The following TPO variants were observed in gnomAD, a reference collection of about 807,000 sequenced individuals.
TPO encodes the protein thyroid peroxidase.
In TPO, 78 loss-of-function variants were observed where a neutral mutation model predicts 96.9. That is an observed-to-expected ratio of 0.81 (90% CI 0.67 to 0.97). TPO has a LOEUF of 0.97. Ranked by LOEUF, TPO falls within the 50% of genes least tolerant of loss-of-function variation. The pLI, the probability that TPO is intolerant of heterozygous loss-of-function variation, is 0.00. For missense variants in TPO, 1,252 were observed against 1,274.8 expected (o/e 0.98, Z 0.27); for synonymous variants, 547 against 538.0 (o/e 1.02, Z -0.23).
chr2:1,413,262 A>G (rs1020666945), upstream of TPO, among the ~76,000 whole-genome samples: 4 of 152,172 alleles, frequency 2.6e-5, no homozygotes, highest in African/African-American at 9.7e-5. Flanking sequence ...TCATTCGGCC[A>G]GAGGCTGGAC....
intron 1 of TPO, among the ~76,000 whole-genome samples, chr2:1,382,167 C>G (rs1383377804): frequency 1.3e-5 from 2 of 152,282 alleles, no homozygotes; most frequent in East Asian, 3.9e-4. Context: ...CACGTAGAAC[C>G]CGGGAGCGTT....
At chr2:1,526,602 T>C (rs1676559674) in intron 15 of TPO, among the ~76,000 whole-genome samples, 2 of 129,388 alleles carry the variant, frequency 1.5e-5, no homozygotes, top group African/African-American at 3.0e-5. Context: ...CCTCCACAAA[T>C]CCCCCCAACT....
At chr2:1,537,652 A>ATGTGTGCAACCTCCCCAGATCCCCCCCAC (rs1680126194) in intron 15 of TPO, among the ~76,000 whole-genome samples, 1 of 38,880 alleles carries the variant, frequency 2.6e-5, no homozygotes, top group African/African-American at 1.1e-4. Context: ...ATCCCCCCCA[A>ATGTGTGCAACCTCCCCAGATCCCCCCCAC]TGTGTGCAAC....
chr2:1,457,460 C>CAT (rs772328451), intron 7 of TPO, among the ~76,000 whole-genome samples: 1,577 of 13,852 alleles, frequency 0.11, 461 homozygotes, highest in Admixed American at 0.21. Flanking sequence ...TGTGGGTACA[C>CAT]ATATATAGCA....
Position 1,477,113 on chromosome 2 carries a change from G to A in TPO, c.847G>A (p.Gly283Ser), listed in dbSNP as rs1670024986. The change falls in exon 8 of 17, where the codon GGC (glycine) becomes AGC (serine). Residue 283 changes from glycine to serine, a missense_variant. Gly to Ser is a moderately conservative substitution (Grantham distance 56). Coordinates refer to ENST00000329066, the MANE Select transcript of TPO (RefSeq NM_001206744.2). ...QLPEEARPAA[G>S]TACLPFYRSS... ...CCCGGAGGAGGCCCGGCCGGCCGCG[G>A]GCACCGCCTGTCTGCCCTTCTACCG... 1 of 1,607,498 alleles carries A rather than the reference G, an allele frequency of 6.2e-7. No individual in the cohort carries two copies. Among genetic ancestry groups the A allele is most frequent in the Non-Finnish European group, 8.5e-7 (1 of 1,178,458 alleles).
chr2:1,463,962 A>AGTG (rs1481310677), intron 7 of TPO, among the ~76,000 whole-genome samples: 1 of 152,166 alleles, frequency 6.6e-6, no homozygotes, highest in Non-Finnish European at 1.5e-5. Context: ...TAAGTTCTTT[A>AGTG]GTGGTGATTT....
chr2:1,453,878 G>A, intron 6 of TPO, 55 bp downstream of exon 6: 1 of 1,612,452 alleles, frequency 6.2e-7, no homozygotes, highest in Non-Finnish European at 8.5e-7. Flanking sequence ...GTGATGCTGA[G>A]GGAGGGAAAT....
intron 7 of TPO, among the ~76,000 whole-genome samples, chr2:1,474,269 C>T (rs192476610): frequency 2.0e-5 from 3 of 152,294 alleles, no homozygotes; most frequent in Admixed American, 1.3e-4. Flanking sequence ...TTTGCTGACA[C>T]CCTGGAAAAT....
chr2:1,496,695 T>C lies in TPO; in HGVS notation c.2316T>C (p.Tyr772=), dbSNP rs2124947590. Residue 772 remains tyrosine, a synonymous_variant, in exon 13 of 17, where the codon TAT becomes TAC. Coordinates refer to ENST00000329066, the MANE Select transcript of TPO (RefSeq NM_001206744.2). ...RVLVYSCRHG[Y]ELQGREQLTC... ...TGGTGTATTCCTGCCGGCACGGGTA[T>C]GAGCTCCAAGGCCGGGAGCAGCTCA... 2 of 1,614,096 alleles carry C rather than the reference T, an allele frequency of 1.2e-6. No homozygotes were observed. Among genetic ancestry groups the C allele is most frequent in the East Asian group, 4.5e-5 (2 of 44,858 alleles).
chr2:1,524,221 C>T (rs1441440112), intron 15 of TPO, among the ~76,000 whole-genome samples: 1 of 142,756 alleles, frequency 7.0e-6, no homozygotes, highest in African/African-American at 2.6e-5. Flanking sequence ...ATCCACCCCA[C>T]TGTGTGCAAC....
intron 10 of TPO, 119 bp downstream of exon 10, chr2:1,488,110 A>G: frequency 7.0e-7 from 1 of 1,432,268 alleles, no homozygotes; most frequent in African/African-American, 1.4e-5. Context: ...AGGCCTTCTA[A>G]GCAACGGCTC....
At chr2:1,399,426 G>C (rs963272463) in intron 1 of TPO, among the ~76,000 whole-genome samples, 1 of 152,134 alleles carries the variant, frequency 6.6e-6, no homozygotes, top group Non-Finnish European at 1.5e-5. Context: ...TGTATGCTGT[G>C]TTTTCCTACA....
chr2:1,387,755 G>T (rs576866466), intron 1 of TPO, among the ~76,000 whole-genome samples: 1 of 152,212 alleles, frequency 6.6e-6, no homozygotes, highest in African/African-American at 2.4e-5. Flanking sequence ...TGCTGGTGAG[G>T]AGCTGCGTTC....
intron 13 of TPO, among the ~76,000 whole-genome samples, chr2:1,497,760 C>T (rs1464545317): frequency 2.0e-5 from 3 of 152,084 alleles, no homozygotes; most frequent in East Asian, 1.9e-4. Flanking sequence ...CTGTGAGCTA[C>T]GTGCTATGAG....
At chr2:1,458,802 T>C (rs1449284155) in intron 7 of TPO, among the ~76,000 whole-genome samples, 2 of 152,230 alleles carry the variant, frequency 1.3e-5, no homozygotes, top group Middle Eastern at 3.2e-3. Context: ...TGTAATTGTT[T>C]ACAACTTAGT....
chr2:1,540,610 A>G lies in TPO; in HGVS notation c.2635A>G (p.Lys879Glu). ...CTCCCACAGGACACGCACTGGCACT[A>G]AATCCACACTGCCCATCTCGGAGAC... Reference protein sequence around the residue: ...VICRWTRTGTKSTLPISETGG... With the variant: ...VICRWTRTGTESTLPISETGG... Residue 879 changes from lysine to glutamate, a missense_variant, in exon 16 of 17, where the codon AAA (lysine) becomes GAA (glutamate). Coordinates refer to ENST00000329066, the MANE Select transcript of TPO (RefSeq NM_001206744.2). The G allele has an allele frequency of 6.2e-7, 1 of 1,613,566 alleles. No homozygotes were observed.
chr2:1,403,993 C>A (rs1425607480), intron 1 of TPO, among the ~76,000 whole-genome samples: 1 of 152,222 alleles, frequency 6.6e-6, no homozygotes, highest in Non-Finnish European at 1.5e-5. Context: ...AGAGTCTTCT[C>A]AACTTTCAGT....
intron 3 of TPO, among the ~76,000 whole-genome samples, chr2:1,432,128 C>T (rs893154933): frequency 1.3e-5 from 2 of 152,250 alleles, no homozygotes; most frequent in Non-Finnish European, 2.9e-5. Context: ...GAGCACAGTC[C>T]GCTGTGGTCA....
chr2:1,537,550 C>CCCCCAAATCCCCCAACTGTGTGCAACG (rs1680091377), intron 15 of TPO, among the ~76,000 whole-genome samples: 1 of 72,878 alleles, frequency 1.4e-5, no homozygotes, highest in Non-Finnish European at 2.9e-5. Context: ...AGTGTGCAAC[C>CCCCCAAATCCCCCAACTGTGTGCAACG]TCCTGAAATC....
Sources: allele counts gnomAD v4.1 joint callset (sites outside exome capture counted in the v4.1 genomes callset), GRCh38; gene constraint gnomAD v4.1.1; transcripts MANE v1.5; gene names NCBI Gene and HGNC (gene_info 2026-07-23, HGNC 2026-07-21).